The following DDX60L variants were observed in gnomAD, a reference collection of about 807,000 sequenced individuals.
DDX60L encodes the protein DExD/H-box 60 like, also known as probable ATP-dependent RNA helicase DDX60-like.
In DDX60L, 191 loss-of-function variants were observed where a neutral mutation model predicts 211.6. That is an observed-to-expected ratio of 0.90 (90% CI 0.80 to 1.02). DDX60L has a LOEUF of 1.02. Ranked by LOEUF, DDX60L falls within the 50% of genes least tolerant of loss-of-function variation. The pLI, the probability that DDX60L is intolerant of heterozygous loss-of-function variation, is 0.00. For missense variants in DDX60L, 2,007 were observed against 1,984.1 expected (o/e 1.01, Z -0.22); for synonymous variants, 706 against 694.1 (o/e 1.02, Z -0.27).
At chr4:168,364,480 A>G (rs1739627078) in intron 36 of DDX60L, among the ~76,000 whole-genome samples, 1 of 152,182 alleles carries the variant, frequency 6.6e-6, no homozygotes, top group Non-Finnish European at 1.5e-5. Flanking sequence ...TCAACAATGA[A>G]TGGGTCATCC....
chr4:168,450,973 C>T (rs983597443), intron 8 of DDX60L, among the ~76,000 whole-genome samples: 15 of 49,272 alleles, frequency 3.0e-4, no homozygotes, highest in Non-Finnish European at 5.4e-4. Flanking sequence ...ATTAAAGTCA[C>T]TGAATTTTCT....
rs748614593 is a variant in DDX60L, at chr4:168,391,652, A to G, written c.3811-8T>C. ...TTCAGTAGCTGTCACTACCTAGGAA[A>G]AAAAAAAAAAAACAGTCAATACACA... On this transcript the variant is annotated splice_polypyrimidine_tract_variant and splice_region_variant and intron_variant, in intron 28 of 37. Transcript: ENST00000682922. 1.6e-3 allele frequency: 2,114 copies of G among 1,325,250 alleles called. 6 individuals are homozygous for G. The highest frequency in any genetic ancestry group is 2.3e-3 in the Admixed American group (90 of 39,424). The allele number at this position is 1,325,250 out of a possible 1,614,324, so 82.1% of individuals were successfully genotyped here.
rs116779451 is a variant in DDX60L at position 168,436,545 on chromosome 4, G to C, written c.1295-3430C>G. 5.8e-3 allele frequency among the ~76,000 whole-genome samples: 876 copies of C among 152,246 alleles called. 13 individuals carry two copies. Among genetic ancestry groups the C allele is most frequent in the African/African-American group, 0.02 (825 of 41,544 alleles). On this transcript the variant is annotated intron_variant, in intron 10 of 37. Transcript: ENST00000682922. ...CATTTTAGAGACACAGTTACAGTGT[G>C]AGCTAGGTGGAAATACTTTGAAGGC... is the stretch of plus-strand genomic sequence containing the variant.
intron 30 of DDX60L, chr4:168,380,205 G>A (rs1742690500): frequency 6.3e-6 from 1 of 159,724 alleles, no homozygotes; most frequent in African/African-American, 2.4e-5. Context: ...TGAATCTTGA[G>A]TTATCCCATT....
chr4:168,441,397 A>T lies in DDX60L; in HGVS notation c.1234T>A (p.Ser412Thr). 2 of 1,613,140 alleles carry T rather than the reference A, an allele frequency of 1.2e-6. No individual in the cohort carries two copies. Among genetic ancestry groups the T allele is most frequent in the Non-Finnish European group, 1.7e-6 (2 of 1,179,514 alleles). ...CTTCTTGTTGTTCTCAGAGGAAAAG[A>T]CTTTCCAACGTTAAATTCTTTAACC... ...HLVKEFNVGK[S>T]FPLRTTRRHF... is the part of the protein sequence containing the mutation. The change falls in exon 10 of 38, where the codon TCT becomes ACT. Residue 412 changes from serine (S) to threonine (T), a missense_variant. Coordinates refer to ENST00000682922, the MANE Select transcript of DDX60L (RefSeq NM_001012967.3).
intron 17 of DDX60L, 111 bp from the exon 18 acceptor site, chr4:168,420,491 C>T (rs1050491677): frequency 3.4e-6 from 2 of 588,166 alleles, no homozygotes; most frequent in East Asian, 4.7e-5. Flanking sequence ...CACACACACA[C>T]ACACACACAC....
At position 168,441,381 on chromosome 4, in the gene DDX60L, G is replaced by A. The variant is rs1561078890; in HGVS notation, c.1250C>T (p.Thr417Ile). ...FNVGKSFPLRTTRRHFLRQEK... is the reference protein window; with the variant it reads ...FNVGKSFPLRITRRHFLRQEK... ...TTGTCTAAGAAAATGTCTTCTTGTT[G>A]TTCTCAGAGGAAAAGACTTTCCAAC... The change falls in exon 10 of 38, where the codon ACA becomes ATA. Residue 417 changes from threonine to isoleucine, a missense_variant. Thr to Ile is a moderately conservative substitution (Grantham distance 89). Coordinates refer to ENST00000682922, the MANE Select transcript of DDX60L (RefSeq NM_001012967.3). 1 of 1,611,366 alleles carries A rather than the reference G, an allele frequency of 6.2e-7. No individual in the cohort carries two copies.
chr4:168,410,811 C>G (rs1671480426), intron 22 of DDX60L, among the ~76,000 whole-genome samples: 1 of 152,162 alleles, frequency 6.6e-6, no homozygotes, highest in Admixed American at 6.5e-5. Flanking sequence ...AATGTCTCTT[C>G]CCTGTTCAGA....
chr4:168,381,466 A>G (rs986435691), intron 30 of DDX60L, among the ~76,000 whole-genome samples: 10 of 152,200 alleles, frequency 6.6e-5, no homozygotes, highest in African/African-American at 2.4e-4. Context: ...TAAAGAAACC[A>G]AAGCAATTAA....
At chr4:168,442,908 A>G (rs1180581816) in intron 9 of DDX60L, among the ~76,000 whole-genome samples, 1 of 151,934 alleles carries the variant, frequency 6.6e-6, no homozygotes, top group Non-Finnish European at 1.5e-5. Flanking sequence ...AAAAGTAGAT[A>G]AAACCACAAA....
At chr4:168,447,906 A>T (rs561531892) in intron 9 of DDX60L, among the ~76,000 whole-genome samples, 50 of 147,288 alleles carry the variant, frequency 3.4e-4, no homozygotes, top group Non-Finnish European at 6.6e-4. Context: ...GAGGGATAGC[A>T]TCGGGAGATA....
At chr4:168,395,848 T>A in intron 27 of DDX60L, 111 bp downstream of exon 27, 5 of 752,010 alleles carry the variant, frequency 6.6e-6, no homozygotes, top group Non-Finnish European at 1.1e-5. Context: ...ACAGAGATAA[T>A]CATATTTCAA....
chr4:168,479,833 A>C (rs1214107504), intron 1 of DDX60L, among the ~76,000 whole-genome samples: 1 of 150,822 alleles, frequency 6.6e-6, no homozygotes, highest in African/African-American at 2.4e-5. Context: ...AATAAAAAAA[A>C]ATTAGCCGGG....
chr4:168,457,308 A>G (rs530721470), intron 6 of DDX60L, among the ~76,000 whole-genome samples: 1 of 151,944 alleles, frequency 6.6e-6, no homozygotes, highest in Non-Finnish European at 1.5e-5. Flanking sequence ...ACACACACAC[A>G]CACAATATGT....
At chr4:168,467,894 C>T (rs531439339) in intron 4 of DDX60L, among the ~76,000 whole-genome samples, 151 of 152,290 alleles carry the variant, frequency 9.9e-4, no homozygotes, top group Middle Eastern at 3.4e-3. Flanking sequence ...TGGCCTGGCA[C>T]GGTGGCTCAT....
intron 8 of DDX60L, among the ~76,000 whole-genome samples, chr4:168,452,781 C>T (rs987613216): frequency 8.5e-5 from 13 of 152,104 alleles, no homozygotes; most frequent in African/African-American, 1.9e-4. Flanking sequence ...TTTAACTTTC[C>T]TTTAATACAC....
At chr4:168,380,002 T>C (rs907022774) in intron 30 of DDX60L, 172 bp from the exon 31 acceptor site, 4 of 491,054 alleles carry the variant, frequency 8.1e-6, no homozygotes, top group Non-Finnish European at 1.4e-5. Flanking sequence ...ACATGGCACA[T>C]GCTTCCTTGA....
At position 168,441,457 on chromosome 4, in the gene DDX60L, C is replaced by G. The variant is rs375433419; in HGVS notation, c.1174G>C (p.Asp392His). Residue 392 changes from aspartate to histidine, a missense_variant, in exon 10 of 38, where the codon GAT (aspartate) becomes CAT (histidine). Transcript: ENST00000682922. ...HLNLGDSIRR[D>H]YEDLWNVVSH... is the part of the protein sequence containing the mutation. ...ACAACATTCCACAGGTCTTCATAAT[C>G]CCTCCTAATGGAATCTCCCAAATTC... 142 of 1,609,984 alleles carry G rather than the reference C, an allele frequency of 8.8e-5. No homozygotes were observed. Among genetic ancestry groups the G allele is most frequent in the Non-Finnish European group, 1.2e-4 (141 of 1,178,508 alleles).
intron 4 of DDX60L, among the ~76,000 whole-genome samples, chr4:168,467,291 C>G (rs902720768): frequency 5.9e-5 from 9 of 151,946 alleles, no homozygotes; most frequent in African/African-American, 1.7e-4. Context: ...CGCCTGTAGT[C>G]CCAGCTACTC....
Sources: gnomAD v4.1 joint callset for allele counts (sites outside exome capture counted in the v4.1 genomes callset) on GRCh38, gnomAD v4.1.1 for gene constraint, MANE v1.5 for transcripts, NCBI Gene and HGNC (gene_info 2026-07-23, HGNC 2026-07-21) for gene names.